The following CHSY3 variants were observed in gnomAD, a reference collection of about 807,000 sequenced individuals.
The protein encoded by CHSY3 is N-acetylgalactosaminyl-proteoglycan 3-beta-glucuronosyltransferase 3.
CHSY3 carries 35 observed loss-of-function variants against 67.2 expected under a neutral mutation model. The ratio of observed to expected loss-of-function variants is 0.52; its 90% CI spans 0.40 to 0.69. CHSY3 has a LOEUF of 0.69. Ranked by LOEUF, CHSY3 falls within the 30% of genes least tolerant of loss-of-function variation. CHSY3 has a pLI of 0.00. For missense variants in CHSY3, 1,069 were observed against 1,138.5 expected (o/e 0.94, Z 0.88); for synonymous variants, 474 against 434.7 (o/e 1.09, Z -1.12).
chr5:129,946,161 G>T (rs1387213436), intron 2 of CHSY3, among the ~76,000 whole-genome samples: 1 of 152,020 alleles, frequency 6.6e-6, no homozygotes, highest in African/African-American at 2.4e-5. Context: ...TAGGTATGTG[G>T]CTTGATGTTA....
Position 130,185,265 on chromosome 5 carries a change from T to C in CHSY3, c.2123T>C (p.Phe708Ser), listed in dbSNP as rs768365063. 2 of 1,609,374 alleles carry C rather than the reference T, an allele frequency of 1.2e-6. No individual in the cohort carries two copies. Among genetic ancestry groups the C allele is most frequent in the Non-Finnish European group, 8.5e-7 (1 of 1,175,772 alleles). Residue 708 changes from phenylalanine to serine, a missense_variant, in exon 3 of 3, where the codon TTT becomes TCT. Physicochemically the swap from Phe to Ser is radical, Grantham distance 155. Around this residue, in one of 5 missense-constraint regions of CHSY3, gnomAD observed 401 missense variants for 395.2 expected, o/e 1.01. Coordinates refer to ENST00000305031, the MANE Select transcript of CHSY3 (RefSeq NM_175856.5). ...GGTCTTGAAATGGCTTCTGCCCAGT[T>C]TGACAATGACACTTTGCTGCTATTT... is the stretch of plus-strand genomic sequence containing the variant. Reference protein sequence around the residue: ...GLGLEMASAQFDNDTLLLFCD... With the variant: ...GLGLEMASAQSDNDTLLLFCD...
intron 2 of CHSY3, among the ~76,000 whole-genome samples, chr5:130,113,405 T>C (rs188101049): frequency 1.3e-5 from 2 of 152,342 alleles, no homozygotes; most frequent in Admixed American, 6.5e-5. Context: ...ATGTACTTTG[T>C]AATCTCTCCA....
At chr5:129,972,186 CT>C (rs1472135318) in intron 2 of CHSY3, among the ~76,000 whole-genome samples, 4 of 151,978 alleles carry the variant, frequency 2.6e-5, no homozygotes, top group African/African-American at 9.7e-5. Context: ...TTTAGAATGA[CT>C]TAAAAATTAT....
intron 2 of CHSY3, among the ~76,000 whole-genome samples, chr5:130,124,039 C>CAAAAAAAAAAAAA (rs11297427): frequency 1.7e-5 from 1 of 58,232 alleles, no homozygotes; most frequent in Non-Finnish European, 3.0e-5. Flanking sequence ...GACTCCATCT[C>CAAAAAAAAAAAAA]AAAAAAAAAA....
chr5:130,032,826 C>T (rs75731458), intron 2 of CHSY3, among the ~76,000 whole-genome samples: 1 of 152,142 alleles, frequency 6.6e-6, no homozygotes, highest in Admixed American at 6.6e-5. Context: ...ACCATTAACA[C>T]CTGTGAAAGG....
At chr5:130,066,454 G>C (rs565691295) in intron 2 of CHSY3, among the ~76,000 whole-genome samples, 1 of 151,994 alleles carries the variant, frequency 6.6e-6, no homozygotes, top group African/African-American at 2.4e-5. Flanking sequence ...TGAACTTAGG[G>C]CCTCTAGCTG....
intron 2 of CHSY3, among the ~76,000 whole-genome samples, chr5:129,969,413 G>A (rs1315842045): frequency 6.6e-6 from 1 of 151,722 alleles, no homozygotes; most frequent in African/African-American, 2.4e-5. Context: ...GTTTTATGAT[G>A]CATATTTTCT....
chr5:129,922,948 T>C (rs1760973336), intron 2 of CHSY3, among the ~76,000 whole-genome samples: 2 of 152,320 alleles, frequency 1.3e-5, no homozygotes, highest in South Asian at 4.1e-4. Flanking sequence ...ATCAGTTCTG[T>C]AGATAATGGG....
At chr5:129,996,312 G>A (rs1310301426) in intron 2 of CHSY3, among the ~76,000 whole-genome samples, 1 of 152,104 alleles carries the variant, frequency 6.6e-6, no homozygotes, top group East Asian at 1.9e-4. Context: ...TCCCTTTAGT[G>A]CTTATGGAAT....
intron 2 of CHSY3, among the ~76,000 whole-genome samples, chr5:130,122,086 A>G (rs1483886007): frequency 6.6e-6 from 1 of 152,226 alleles, no homozygotes; most frequent in Non-Finnish European, 1.5e-5. Flanking sequence ...TAAGTCAGTA[A>G]TATCTGTGAC....
chr5:129,999,686 A>T (rs920309147), intron 2 of CHSY3, among the ~76,000 whole-genome samples: 1 of 152,140 alleles, frequency 6.6e-6, no homozygotes, highest in Non-Finnish European at 1.5e-5. Context: ...TCCTGAACAC[A>T]CCATGCTTTC....
chr5:129,923,388 C>T (rs558873312), intron 2 of CHSY3, among the ~76,000 whole-genome samples: 4 of 151,602 alleles, frequency 2.6e-5, no homozygotes, highest in Admixed American at 6.6e-5. Context: ...TTGTGAACAT[C>T]GAGTTTCATT....
At chr5:129,952,919 T>A (rs1762064186) in intron 2 of CHSY3, among the ~76,000 whole-genome samples, 1 of 152,222 alleles carries the variant, frequency 6.6e-6, no homozygotes, top group South Asian at 2.1e-4. Context: ...TGGCAAACTT[T>A]TATTTGAGAC....
intron 2 of CHSY3, among the ~76,000 whole-genome samples, chr5:129,978,232 T>C (rs995794936): frequency 5.3e-5 from 8 of 152,184 alleles, no homozygotes; most frequent in African/African-American, 1.9e-4. Context: ...CACAATTCGC[T>C]TCCAGTGACA....
chr5:130,114,642 C>T lies in CHSY3; in HGVS notation c.1087-69587C>T, dbSNP rs1032223016. Reference sequence around the variant, plus strand: ...ACACTGTCATGGAACTCTGAAAAATCGGTAATGAATTAACCACCAAAAGAG... The same window carrying T: ...ACACTGTCATGGAACTCTGAAAAATTGGTAATGAATTAACCACCAAAAGAG... On this transcript the variant is annotated intron_variant, in intron 2 of 2. Transcript: ENST00000305031. The T allele has an allele frequency of 1.4e-4, 22 of 152,114 alleles. 1 individual carries two copies. The highest frequency in any genetic ancestry group is 1.5e-5 in the Non-Finnish European group (1 of 68,020). The allele number at this position is 152,114 out of a possible 1,614,324, so 9.4% of individuals were successfully genotyped here.
At position 130,010,875 on chromosome 5, in the gene CHSY3, G is replaced by GA. The variant is rs1162590097; in HGVS notation, c.1086+102521dup. ...TAAGCACACATAGTAGAAAACCTAG[G>GA]AAAAAATGGATAAATTCCTGGAAAC... On this transcript the variant is annotated intron_variant, in intron 2 of 2. Coordinates refer to ENST00000305031, the MANE Select transcript of CHSY3 (RefSeq NM_175856.5). Among the ~76,000 whole-genome samples, 7 of 152,010 alleles carry GA rather than the reference G, an allele frequency of 4.6e-5. No individual in the cohort carries two copies. In the East Asian group the frequency reaches 5.8e-4, roughly 13 times the overall value.
At chr5:129,970,512 A>G (rs1303538669) in intron 2 of CHSY3, among the ~76,000 whole-genome samples, 3 of 151,880 alleles carry the variant, frequency 2.0e-5, no homozygotes, top group Admixed American at 6.6e-5. Flanking sequence ...AAGGGCTAGC[A>G]TGGAATAATG....
At chr5:130,167,964 C>A (rs1254038305) in intron 2 of CHSY3, among the ~76,000 whole-genome samples, 1 of 151,962 alleles carries the variant, frequency 6.6e-6, no homozygotes, top group Admixed American at 6.6e-5. Context: ...GTCTCAAAAC[C>A]AAACCTGTGA....
At chr5:130,062,631 A>G (rs554284396) in intron 2 of CHSY3, among the ~76,000 whole-genome samples, 1 of 152,124 alleles carries the variant, frequency 6.6e-6, no homozygotes, top group Admixed American at 6.6e-5. Context: ...TAATTTTTTT[A>G]AATGCAGTGA....
Sources: allele counts gnomAD v4.1 joint callset (sites outside exome capture counted in the v4.1 genomes callset), GRCh38; gene constraint gnomAD v4.1.1; regional missense constraint gnomAD v4.1.1; transcripts MANE v1.5; gene names NCBI Gene and HGNC (gene_info 2026-07-23, HGNC 2026-07-21).